The following ANO2 variants were observed in gnomAD, a reference collection of about 807,000 sequenced individuals.
The protein encoded by ANO2 is anoctamin 2, also known as anoctamin-2.
Under a neutral mutation model 124.2 loss-of-function variants are expected in ANO2, and 101 were observed. The observed-to-expected ratio is 0.81, with a 90% CI of 0.69 to 0.96. The LOEUF is 0.96. ANO2 is among the 40% of genes least tolerant of loss of function. The probability of loss-of-function intolerance (pLI) is 0.00; values close to 1 mark genes in which losing one functional copy is unlikely to be tolerated. For synonymous variants in ANO2, 486 were observed against 482.5 expected, an observed-to-expected ratio of 1.01 and a Z score of -0.09; for missense variants, 1,293 against 1,274.5, an observed-to-expected ratio of 1.01 and a Z score of -0.22.
At chr12:5,743,674 C>A (rs560573393) in intron 12 of ANO2, among the ~76,000 whole-genome samples, 1 of 152,172 alleles carries the variant, frequency 6.6e-6, no homozygotes, top group South Asian at 2.1e-4. Context: ...AGTGCAGGGA[C>A]AGTACAGTCT....
At chr12:5,641,190 C>T (rs1946367264) in intron 15 of ANO2, among the ~76,000 whole-genome samples, 1 of 130,958 alleles carries the variant, frequency 7.6e-6, no homozygotes, top group African/African-American at 3.1e-5. Flanking sequence ...CACTTGGACA[C>T]AGGGCGAGGA....
chr12:5,688,811 T>A (rs1432635025), intron 14 of ANO2, among the ~76,000 whole-genome samples: 3 of 27,426 alleles, frequency 1.1e-4, no homozygotes, highest in African/African-American at 2.7e-4. Context: ...GGGAGTATCC[T>A]TTTTTTTTTT....
At chr12:5,637,556 T>G (rs1387498812) in intron 15 of ANO2, among the ~76,000 whole-genome samples, 1 of 152,014 alleles carries the variant, frequency 6.6e-6, no homozygotes, top group East Asian at 1.9e-4. Context: ...AAAAATGTGG[T>G]CCAAGGACCA....
In ANO2 at chr12:5,606,182, C is replaced by T. The variant is rs145416969; in HGVS notation, c.2087+6474G>A. ...ATGCCTGGACAGAGAGTGGGGCTTC[C>T]ACAGTGGTCCTGTCTGGGGCACCTT... is the stretch of plus-strand genomic sequence containing the variant. On this transcript the variant is annotated intron_variant, in intron 19 of 24. Transcript: ENST00000682330. 3.3e-5 allele frequency among the ~76,000 whole-genome samples: 5 copies of T among 152,302 alleles called. No homozygotes were observed. In the East Asian group the frequency reaches 9.6e-4, roughly 29 times the overall value.
intron 9 of ANO2, among the ~76,000 whole-genome samples, chr12:5,804,848 T>A (rs1424815012): frequency 6.6e-6 from 1 of 152,126 alleles, no homozygotes; most frequent in African/African-American, 2.4e-5. Flanking sequence ...TCCGTAATGA[T>A]CCTAGACAGG....
intron 11 of ANO2, 92 bp downstream of exon 11, chr12:5,750,744 G>T (rs1951408845): frequency 2.3e-6 from 3 of 1,329,372 alleles, no homozygotes; most frequent in Non-Finnish European, 3.1e-6. Flanking sequence ...TGAGGGCTTT[G>T]GAAAGAGGCA....
chr12:5,944,678 C>T (rs1591823167), intron 1 of ANO2, among the ~76,000 whole-genome samples: 1 of 152,300 alleles, frequency 6.6e-6, no homozygotes, highest in East Asian at 1.9e-4. Flanking sequence ...GATCTTGGAA[C>T]CCTTCCTGAA....
intron 14 of ANO2, among the ~76,000 whole-genome samples, chr12:5,667,363 G>C (rs1947782244): frequency 6.6e-6 from 1 of 152,130 alleles, no homozygotes; most frequent in Non-Finnish European, 1.5e-5. Context: ...TAATAGATAA[G>C]TAGATGGCAC....
In ANO2 at chr12:5,699,466, C is replaced by T. The variant is rs563331018; in HGVS notation, c.1545+33054G>A. On this transcript the variant is annotated intron_variant, in intron 14 of 24. Transcript: ENST00000682330. ...AGCACTAAACATGGAAAGGAACAAC[C>T]CATACCAGCCACTGCAAAGACATGC... 6.9e-4 allele frequency among the ~76,000 whole-genome samples: 105 copies of T among 152,124 alleles called. 1 individual carries two copies. The South Asian group carries it at 0.02, about 30-fold the overall frequency.
intron 16 of ANO2, among the ~76,000 whole-genome samples, chr12:5,624,060 C>A (rs1945264662): frequency 6.6e-6 from 1 of 152,118 alleles, no homozygotes; most frequent in African/African-American, 2.4e-5. Flanking sequence ...TGAGATACTC[C>A]TGTGGCCCAG....
chr12:5,743,363 G>A (rs1000797347), intron 12 of ANO2, among the ~76,000 whole-genome samples: 21 of 152,180 alleles, frequency 1.4e-4, no homozygotes, highest in African/African-American at 5.1e-4. Flanking sequence ...CAGATGGGCT[G>A]ACACAGGTTG....
chr12:5,611,803 C>T (rs1944560505), intron 19 of ANO2, among the ~76,000 whole-genome samples: 1 of 152,178 alleles, frequency 6.6e-6, no homozygotes, highest in African/African-American at 2.4e-5. Flanking sequence ...GACGATTACA[C>T]CCATCCCAGA....
intron 4 of ANO2, among the ~76,000 whole-genome samples, chr12:5,849,658 C>T (rs1954808343): frequency 1.3e-5 from 2 of 152,126 alleles, no homozygotes; most frequent in South Asian, 4.1e-4. Context: ...GACTTGGAGT[C>T]CCTGGACACA....
chr12:5,615,557 G>A (rs953553399), intron 16 of ANO2, among the ~76,000 whole-genome samples: 1 of 152,128 alleles, frequency 6.6e-6, no homozygotes, highest in Non-Finnish European at 1.5e-5. Context: ...TACTCAAGGA[G>A]TGGTTTCACA....
At chr12:5,804,036 G>T (rs1000990731) in intron 9 of ANO2, among the ~76,000 whole-genome samples, 1 of 152,150 alleles carries the variant, frequency 6.6e-6, no homozygotes, top group African/African-American at 2.4e-5. Context: ...CCCCAGAGAG[G>T]CCACCCTACA....
chr12:5,749,972 G>A (rs1192125924), intron 11 of ANO2, among the ~76,000 whole-genome samples: 1 of 151,360 alleles, frequency 6.6e-6, no homozygotes, highest in African/African-American at 2.4e-5. Context: ...TTTCGCCCAG[G>A]CTAGAGTGCA....
At chr12:5,758,896 A>T (rs912240687) in intron 10 of ANO2, among the ~76,000 whole-genome samples, 2 of 152,358 alleles carry the variant, frequency 1.3e-5, no homozygotes, top group East Asian at 3.8e-4. Context: ...GCTAAGCTTG[A>T]TTCAGATGTC....
intron 14 of ANO2, among the ~76,000 whole-genome samples, chr12:5,711,775 A>G (rs966343909): frequency 6.6e-6 from 1 of 152,220 alleles, no homozygotes; most frequent in Non-Finnish European, 1.5e-5. Context: ...ACAGACTAGA[A>G]TGTAGATTAA....
At chr12:5,622,343 A>C (rs980669005) in intron 16 of ANO2, among the ~76,000 whole-genome samples, 2 of 152,302 alleles carry the variant, frequency 1.3e-5, no homozygotes, top group East Asian at 3.9e-4. Flanking sequence ...GCTATTATTT[A>C]TGAGTTTTAC....
Sources: gnomAD v4.1 joint callset for allele counts (sites outside exome capture counted in the v4.1 genomes callset) on GRCh38, gnomAD v4.1.1 for gene constraint, MANE v1.5 for transcripts, NCBI Gene and HGNC (gene_info 2026-07-23, HGNC 2026-07-21) for gene names.